The following RIMBP2 variants were observed in gnomAD, a reference collection of about 807,000 sequenced individuals.
RIMBP2 encodes the protein RIMS binding protein 2.
Under a neutral mutation model 118.6 loss-of-function variants are expected in RIMBP2, and 48 were observed. That is an observed-to-expected ratio of 0.40 (90% CI 0.32 to 0.51). The LOEUF (loss-of-function observed/expected upper bound fraction) is 0.51, where lower values mean the gene tolerates loss of function less well. RIMBP2 is among the 20% of genes least tolerant of loss of function. RIMBP2 has a pLI of 0.41. For missense variants in RIMBP2, 1,551 were observed against 1,768.3 expected (o/e 0.88, Z 2.20); for synonymous variants, 762 against 742.9 (o/e 1.03, Z -0.42).
Position 130,422,471 on chromosome 12 carries a change from C to A in RIMBP2, c.3220G>T (p.Val1074Leu). The change falls in exon 17 of 23, where the codon GTG becomes TTG. Residue 1074 changes from valine to leucine, a missense_variant. Coordinates refer to ENST00000690449, the MANE Select transcript of RIMBP2 (RefSeq NM_001393629.1). This position sits in a 1 kb window ranked among gnomAD's most constrained non-coding sequence, Gnocchi z 5.2. The stretch of plus-strand genomic sequence containing the variant: ...CACTAACCGATGGATGGGACTGTCA[C>A]GGGCCGGGACCTCTGAGGACCAGCG... ...GSAGPQRSRP[V>L]TVPSIDDYGR... The A allele has an allele frequency of 6.2e-7, 1 of 1,611,410 alleles. No individual in the cohort carries two copies. Among genetic ancestry groups the A allele is most frequent in the Non-Finnish European group, 8.5e-7 (1 of 1,177,954 alleles).
intron 2 of RIMBP2, among the ~76,000 whole-genome samples, chr12:130,554,003 T>C (rs2056094400): frequency 6.6e-6 from 1 of 152,188 alleles, no homozygotes; most frequent in Non-Finnish European, 1.5e-5. Context: ...TATTCCTAGG[T>C]CCAGCAAACA....
chr12:130,618,237 G>T (rs745597611), intron 2 of RIMBP2, among the ~76,000 whole-genome samples: 2 of 151,982 alleles, frequency 1.3e-5, no homozygotes, highest in Non-Finnish European at 2.9e-5. Flanking sequence ...AGCACTCAAC[G>T]CCTTCCTCTC....
At chr12:130,506,927 G>T (rs1036323264) in intron 3 of RIMBP2, among the ~76,000 whole-genome samples, 157 bp from the exon 4 acceptor site, 2 of 151,996 alleles carry the variant, frequency 1.3e-5, no homozygotes, top group Non-Finnish European at 2.9e-5. Flanking sequence ...CCTACTAGGG[G>T]TCACTACACA....
rs143479429 is a variant in RIMBP2, at chr12:130,414,194, C to T, written c.3351G>A (p.Pro1117=). Reference sequence around the variant, plus strand: ...CATCTGGGTTTGGGGACATGGTGAGCGGGTCGTAGTCAAAGAGAGCCACAA... The same window carrying T: ...CATCTGGGTTTGGGGACATGGTGAGTGGGTCGTAGTCAAAGAGAGCCACAA... ...RIFVALFDYD[P]LTMSPNPDAA... Residue 1117 remains proline (P), a synonymous_variant, in exon 18 of 23, where the codon CCG becomes CCA. Transcript: ENST00000690449. The T allele has an allele frequency of 2.8e-5, 46 of 1,614,118 alleles. No individual in the cohort carries two copies. In the African/African-American group the frequency reaches 3.7e-4, roughly 13 times the overall value.
chr12:130,570,465 C>T (rs2057546036), intron 2 of RIMBP2, among the ~76,000 whole-genome samples: 1 of 152,140 alleles, frequency 6.6e-6, no homozygotes. Flanking sequence ...ATTTTAAGCT[C>T]TTTACGGGAA....
rs2076276976 is a variant in RIMBP2 at position 130,419,241 on chromosome 12, C to G, written c.3238+3212G>C. On this transcript the variant is annotated intron_variant, in intron 17 of 22. Coordinates refer to ENST00000690449, the MANE Select transcript of RIMBP2 (RefSeq NM_001393629.1). This position sits in a 1 kb window ranked among gnomAD's most constrained non-coding sequence, Gnocchi z 4.3. ...GAAAGAAGCACTTACCTACAGCTGT[C>G]TGTCTGACCCTGGGGGGAGTGGGCA... Among the ~76,000 whole-genome samples, 1 of 152,144 alleles carries G rather than the reference C, an allele frequency of 6.6e-6. No homozygotes were observed. Among genetic ancestry groups the G allele is most frequent in the Non-Finnish European group, 1.5e-5 (1 of 68,026 alleles).
intron 7 of RIMBP2, among the ~76,000 whole-genome samples, chr12:130,454,427 G>T (rs977452087): frequency 1.3e-5 from 2 of 152,234 alleles, no homozygotes; most frequent in African/African-American, 4.8e-5. Context: ...GTGGGATCGG[G>T]GTGCTGTGGG....
intron 4 of RIMBP2, among the ~76,000 whole-genome samples, chr12:130,482,476 C>A (rs1030022173): frequency 6.6e-6 from 1 of 152,206 alleles, no homozygotes; most frequent in Non-Finnish European, 1.5e-5. Flanking sequence ...TAAATGACAT[C>A]TGTGGTCCTG....
At chr12:130,451,767 G>C (rs901785518) in intron 7 of RIMBP2, among the ~76,000 whole-genome samples, 3 of 151,778 alleles carry the variant, frequency 2.0e-5, no homozygotes, top group Non-Finnish European at 4.4e-5. Flanking sequence ...GTGGATCCCG[G>C]CGATGGGCTT....
intron 1 of RIMBP2, among the ~76,000 whole-genome samples, chr12:130,646,008 C>A (rs915734416): frequency 1.3e-5 from 2 of 152,040 alleles, no homozygotes; most frequent in African/African-American, 2.4e-5. Flanking sequence ...GCGTTTCACC[C>A]AAGCATTGAA....
intron 2 of RIMBP2, among the ~76,000 whole-genome samples, chr12:130,536,813 C>T (rs2054126790): frequency 6.6e-6 from 1 of 152,174 alleles, no homozygotes; most frequent in South Asian, 2.1e-4. Flanking sequence ...CAGATACCAC[C>T]TTCACCAGGT....
chr12:130,513,771 A>G (rs1294296485), intron 3 of RIMBP2, among the ~76,000 whole-genome samples: 1 of 152,216 alleles, frequency 6.6e-6, no homozygotes, highest in Non-Finnish European at 1.5e-5. Flanking sequence ...AAATGCTGAC[A>G]CTGCAGTCTC....
At chr12:130,652,630 G>C (rs1193786784) in intron 1 of RIMBP2, among the ~76,000 whole-genome samples, 11 of 151,996 alleles carry the variant, frequency 7.2e-5, no homozygotes, top group Non-Finnish European at 2.9e-5. Context: ...GGGCTCTTAG[G>C]TTTTGCCATA....
At chr12:130,498,754 TG>T (rs1317841717) in intron 4 of RIMBP2, among the ~76,000 whole-genome samples, 1 of 151,570 alleles carries the variant, frequency 6.6e-6, no homozygotes, top group Non-Finnish European at 1.5e-5. Context: ...GAGGACAACA[TG>T]CAGGCAAAGA....
intron 1 of RIMBP2, among the ~76,000 whole-genome samples, chr12:130,682,327 C>T (rs993187118): frequency 1.8e-4 from 27 of 152,232 alleles, no homozygotes; most frequent in African/African-American, 6.3e-4. Flanking sequence ...CCGCCAGCCC[C>T]AAGATGGAAG....
rs537349405 is a variant in RIMBP2 at position 130,461,055 on chromosome 12, G to A, written c.154-4355C>T. On this transcript the variant is annotated intron_variant, in intron 6 of 22. Coordinates refer to ENST00000690449, the MANE Select transcript of RIMBP2 (RefSeq NM_001393629.1). ...AGGGCCAGTGGTTCGCCATCCACAAGGGACCCATCCGCACGACCCAGCTAC... is the reference window on the plus strand; with the variant it reads ...AGGGCCAGTGGTTCGCCATCCACAAAGGACCCATCCGCACGACCCAGCTAC... Among the ~76,000 whole-genome samples, 8 of 152,296 alleles carry A rather than the reference G, an allele frequency of 5.3e-5. No individual in the cohort carries two copies. In the East Asian group the frequency reaches 1.2e-3, roughly 22 times the overall value.
Position 130,492,365 on chromosome 12 carries a change from G to T in RIMBP2, c.-3-13349C>A, listed in dbSNP as rs147711183. ...AAAACATTCATGTGAATTCAGTGAG[G>T]TCTATTTCAGCCCAAGTATTTTAGT... On this transcript the variant is annotated intron_variant, in intron 4 of 22. Coordinates refer to ENST00000690449, the MANE Select transcript of RIMBP2 (RefSeq NM_001393629.1). Among the ~76,000 whole-genome samples, 421 of 151,682 alleles carry T rather than the reference G, an allele frequency of 2.8e-3. 1 individual carries two copies. Among genetic ancestry groups the T allele is most frequent in the African/African-American group, 9.8e-3 (404 of 41,300 alleles).
intron 7 of RIMBP2, among the ~76,000 whole-genome samples, chr12:130,454,970 C>T (rs1248116679): frequency 4.6e-5 from 7 of 152,372 alleles, no homozygotes; most frequent in Middle Eastern, 6.8e-3. Context: ...GCAGGCCTAG[C>T]TTGTGCACAC....
rs544661958 is a variant in RIMBP2, at chr12:130,697,007, G to C, written c.-352+19215C>G. Among the ~76,000 whole-genome samples the C allele has an allele frequency of 5.9e-5, 9 of 152,306 alleles. No individual in the cohort carries two copies. In the East Asian group the frequency reaches 1.7e-3, roughly 29 times the overall value. On this transcript the variant is annotated intron_variant, in intron 1 of 22. Coordinates refer to ENST00000690449, the MANE Select transcript of RIMBP2 (RefSeq NM_001393629.1). ...CAGGAGTCAGATTGGGAAGTGCCTC[G>C]CCTGCCAGGCTGAAAACAGGGGATT...
Sources: gnomAD v4.1 joint callset for allele counts (sites outside exome capture counted in the v4.1 genomes callset) on GRCh38, gnomAD v4.1.1 for gene constraint, Gnocchi (gnomAD v3.1) non-coding constraint, MANE v1.5 for transcripts, NCBI Gene and HGNC (gene_info 2026-07-23, HGNC 2026-07-21) for gene names.